Variants in CP observed in about 807,000 individuals in gnomAD.
The protein encoded by CP is caeruloplasmin.
In CP, 64 loss-of-function variants were observed where a neutral mutation model predicts 122.4. The observed-to-expected ratio is 0.52, with a 90% CI of 0.43 to 0.64. CP has a LOEUF of 0.64. Ranked by LOEUF, CP falls within the 30% of genes least tolerant of loss-of-function variation. The pLI is 0.00. For missense variants in CP, 1,167 were observed against 1,284.4 expected, an observed-to-expected ratio of 0.91 and a Z score of 1.40; for synonymous variants, 440 against 436.4, an observed-to-expected ratio of 1.01 and a Z score of -0.10.
chr3:149,175,141 C>CCATCCTT (rs1361605000), intron 18 of CP, among the ~76,000 whole-genome samples: 1 of 152,016 alleles, frequency 6.6e-6, no homozygotes, highest in Admixed American at 6.6e-5. Context: ...TTGAGCAAGA[C>CCATCCTT]CATCCTTTTG....
chr3:149,199,581 T>C (rs1192937226), intron 8 of CP, 131 bp downstream of exon 8: 4 of 1,091,732 alleles, frequency 3.7e-6, no homozygotes, highest in South Asian at 2.5e-5. Context: ...TTTCCTGGCA[T>C]GATGCCTAGA....
chr3:149,184,862 C>T (rs1576739526), intron 12 of CP, among the ~76,000 whole-genome samples: 1 of 152,098 alleles, frequency 6.6e-6, no homozygotes, highest in East Asian at 1.9e-4. Flanking sequence ...AATGAAAACT[C>T]TGAAGGAAAA....
At chr3:149,176,541 CTG>C (rs1395441215) in intron 17 of CP, 129 bp from the exon 18 acceptor site, 1 of 751,516 alleles carries the variant, frequency 1.3e-6, no homozygotes. Context: ...GAGCTCGTTT[CTG>C]TGTTTAATAC....
In CP at chr3:149,177,829, A is replaced by G; in HGVS notation, c.3018+11T>C. The G allele has an allele frequency of 1.2e-6, 2 of 1,613,264 alleles. No homozygotes were observed. Among genetic ancestry groups the G allele is most frequent in the Non-Finnish European group, 1.7e-6 (2 of 1,179,224 alleles). On this transcript the variant is annotated intron_variant, in intron 17 of 18. Transcript: ENST00000264613. ...AACAGAGCAAGAGTAATTGCCATGG[A>G]TAGCTCTTACCTTGTATTGGAAGCT... is the stretch of plus-strand genomic sequence containing the variant.
chr3:149,202,496 G>C (rs1727398064), intron 6 of CP, among the ~76,000 whole-genome samples: 1 of 151,864 alleles, frequency 6.6e-6, no homozygotes, highest in South Asian at 2.1e-4. Flanking sequence ...TTTTCAGAAG[G>C]GCCCCTTCAA....
chr3:149,209,749 T>C lies in CP; in HGVS notation c.608-365A>G, dbSNP rs183204845. On this transcript the variant is annotated intron_variant, in intron 3 of 18. Transcript: ENST00000264613. Reference sequence around the variant, plus strand: ...CAAGTTAGAATTGTATTTCAGGCTCTTGAGCTCCGTTGTCTTTTTCATGAT... The same window carrying C: ...CAAGTTAGAATTGTATTTCAGGCTCCTGAGCTCCGTTGTCTTTTTCATGAT... Among the ~76,000 whole-genome samples, 282 of 152,330 alleles carry C rather than the reference T, an allele frequency of 1.9e-3. 1 individual carries two copies. The highest frequency in any genetic ancestry group is 4.9e-3 in the Admixed American group (75 of 15,298).
At chr3:149,176,437 T>C in intron 17 of CP, 25 bp from the exon 18 acceptor site, 1 of 1,496,572 alleles carries the variant, frequency 6.7e-7, no homozygotes, top group Non-Finnish European at 9.3e-7. Flanking sequence ...TGACAAATAA[T>C]GTATAATATT....
intron 9 of CP, among the ~76,000 whole-genome samples, chr3:149,193,510 A>G (rs935917918): frequency 4.6e-5 from 7 of 152,144 alleles, no homozygotes; most frequent in Non-Finnish European, 1.5e-5. Flanking sequence ...TGCAATTGTG[A>G]TCCCTTTTTT....
Position 149,207,398 on chromosome 3 carries a change from C to A in CP, c.1001G>T (p.Trp334Leu), listed in dbSNP as rs373342762. Residue 334 changes from tryptophan (W) to leucine (L), a missense_variant, in exon 5 of 19, where the codon TGG becomes TTG. Trp to Leu is a moderately conservative substitution (Grantham distance 61). Transcript: ENST00000264613. ...AYMVAQNPGE[W>L]MLSCQNLNHL... The stretch of plus-strand genomic sequence containing the variant: ...GTTTAGATTCTGACAGCTGAGCATC[C>A]ATTCTCCAGGGTTCTGGGCCACCAT... The A allele has an allele frequency of 6.2e-6, 10 of 1,613,770 alleles. No homozygotes were observed. Among genetic ancestry groups the A allele is most frequent in the Non-Finnish European group, 8.5e-6 (10 of 1,179,830 alleles).
At chr3:149,220,561 T>A (rs1319868472) in intron 1 of CP, among the ~76,000 whole-genome samples, 1 of 152,102 alleles carries the variant, frequency 6.6e-6, no homozygotes, top group Non-Finnish European at 1.5e-5. Flanking sequence ...AAACTTTCTT[T>A]ATTGTATATT....
chr3:149,185,278 C>T lies in CP; in HGVS notation c.2246G>A (p.Arg749Lys), dbSNP rs751997674. The change falls in exon 12 of 19, where the codon AGG (arginine) becomes AAG (lysine). Residue 749 changes from arginine (R) to lysine (K), a missense_variant. Transcript: ENST00000264613. The stretch of plus-strand genomic sequence containing the variant: ...ATGATGCAGCTCCTTTTCCCACTCC[C>T]TTTGTGGGGAATAATCCCATTCCAC... ...VEVEWDYSPQ[R>K]EWEKELHHLQ... 6.2e-7 allele frequency: 1 copy of T among 1,613,550 alleles called. No individual in the cohort carries two copies. The highest frequency in any genetic ancestry group is 8.5e-7 in the Non-Finnish European group (1 of 1,179,988).
At chr3:149,182,752 CT>C (rs1364329923) in intron 13 of CP, among the ~76,000 whole-genome samples, 5 of 151,958 alleles carry the variant, frequency 3.3e-5, no homozygotes, top group African/African-American at 1.2e-4. Flanking sequence ...AATTAATTTC[CT>C]TTTGTATATT....
rs772346131 is a variant in CP, at chr3:149,206,332, C to G, written c.1044G>C (p.Leu348Phe). The G allele has an allele frequency of 2.2e-5, 36 of 1,613,714 alleles. No individual in the cohort carries two copies. Among genetic ancestry groups the G allele is most frequent in the Non-Finnish European group, 3.0e-5 (35 of 1,179,778 alleles). Residue 348 changes from leucine (L) to phenylalanine (F), a missense_variant, in exon 6 of 19, where the codon TTG (leucine) becomes TTC (phenylalanine). Transcript: ENST00000264613. ...ACTCCTGGACCTGGAAAAAGGCTTG[C>G]AAACCGGCTGAAATGAAACAGAAAG... ...CQNLNHLKAG[L>F]QAFFQVQECN...
chr3:149,219,239 A>G (rs891410405), intron 1 of CP, among the ~76,000 whole-genome samples: 1 of 152,234 alleles, frequency 6.6e-6, no homozygotes, highest in Admixed American at 6.5e-5. Context: ...CAGGACAATA[A>G]CAAAAAGAGA....
chr3:149,191,548 A>G (rs1318546100), intron 9 of CP, among the ~76,000 whole-genome samples: 1 of 152,062 alleles, frequency 6.6e-6, no homozygotes, highest in Non-Finnish European at 1.5e-5. Flanking sequence ...AGATGTTCTC[A>G]TTAAGATCAG....
At chr3:149,186,102 A>G (rs1405619232) in intron 11 of CP, 3 of 246,722 alleles carry the variant, frequency 1.2e-5, no homozygotes, top group Non-Finnish European at 2.4e-5. Flanking sequence ...CATGGCTACA[A>G]TGCTAGCATA....
At position 149,163,922 on chromosome 3, in the gene CP, T is replaced by C. The variant is rs139697700; in HGVS notation, c.*14-1047A>G. 194 of 1,555,672 alleles carry C rather than the reference T, an allele frequency of 1.2e-4. No homozygotes were observed. The highest frequency in any genetic ancestry group is 9.9e-5 in the Non-Finnish European group (112 of 1,126,792). ...CATCTGATTCTTTAGCTGATAAAAA[T>C]TATACAGAAGATCTTTCAAAATTAC... is the stretch of plus-strand genomic sequence containing the variant. On this transcript the variant is annotated intron_variant, in intron 5 of 5. Coordinates refer to the CP transcript ENST00000479771.
chr3:149,166,141 G>A, intron 4 of CP: 5 of 390,336 alleles, frequency 1.3e-5, no homozygotes, highest in South Asian at 7.5e-5. Flanking sequence ...TTATTTTGGT[G>A]GTAGAATCAA....
chr3:149,171,632 G>T (rs1462411289), downstream of CP, among the ~76,000 whole-genome samples: 1 of 151,204 alleles, frequency 6.6e-6, no homozygotes, highest in Non-Finnish European at 1.5e-5. Context: ...CCATAAAGAA[G>T]CCTATGGATT....
Sources: allele counts gnomAD v4.1 joint callset (sites outside exome capture counted in the v4.1 genomes callset), GRCh38; gene constraint gnomAD v4.1.1; transcripts MANE v1.5; gene names NCBI Gene and HGNC (gene_info 2026-07-23, HGNC 2026-07-21).